VASH2: variants seen among roughly 807,000 people sequenced by gnomAD.
VASH2 encodes the protein tubulinyl-Tyr carboxypeptidase 2.
Under a neutral mutation model 37.2 loss-of-function variants are expected in VASH2, and 28 were observed. The observed-to-expected ratio is 0.75, with a 90% CI of 0.56 to 1.03. VASH2 has a LOEUF of 1.03. Among genes scored for constraint, VASH2 ranks in the 50% least tolerant of loss-of-function variants. The pLI, the probability that VASH2 is intolerant of heterozygous loss-of-function variation, is 0.00. For missense variants in VASH2, 419 were observed against 459.1 expected, an observed-to-expected ratio of 0.91 and a Z score of 0.80; for synonymous variants, 188 against 174.7, an observed-to-expected ratio of 1.08 and a Z score of -0.60.
intron 5 of VASH2, chr1:212,967,490 A>T (rs1666886785): frequency 8.8e-7 from 1 of 1,138,340 alleles, no homozygotes; most frequent in Non-Finnish European, 1.1e-6. Flanking sequence ...GTCCCAGGCA[A>T]GATCAGTTAG....
intron 7 of VASH2, among the ~76,000 whole-genome samples, chr1:212,981,049 G>A (rs1161736194): frequency 6.6e-6 from 1 of 152,208 alleles, no homozygotes; most frequent in Non-Finnish European, 1.5e-5. Flanking sequence ...GGGTCACATA[G>A]GGTCAGACAG....
chr1:212,977,342 T>A (rs1667208079), intron 7 of VASH2, among the ~76,000 whole-genome samples: 1 of 152,186 alleles, frequency 6.6e-6, no homozygotes, highest in Non-Finnish European at 1.5e-5. Context: ...TTATTCTAGG[T>A]AGTTTGTAAA....
intron 2 of VASH2, among the ~76,000 whole-genome samples, chr1:212,958,305 C>A (rs1486633626): frequency 6.6e-6 from 1 of 152,224 alleles, no homozygotes; most frequent in African/African-American, 2.4e-5. Flanking sequence ...CCCGCCACTG[C>A]CCTGCCCCCA....
intron 2 of VASH2, among the ~76,000 whole-genome samples, chr1:212,957,964 C>T (rs1286543076): frequency 6.6e-6 from 1 of 152,180 alleles, no homozygotes; most frequent in Non-Finnish European, 1.5e-5. Flanking sequence ...TGCATTAGGT[C>T]ATGTAATGCT....
chr1:212,986,369 A>G (rs1667478736), intron 7 of VASH2, among the ~76,000 whole-genome samples: 2 of 152,180 alleles, frequency 1.3e-5, no homozygotes, highest in African/African-American at 4.8e-5. Context: ...TCTACTTGAG[A>G]AAGTCTCAAA....
At chr1:212,981,827 C>T (rs924639554) in intron 7 of VASH2, among the ~76,000 whole-genome samples, 6 of 152,220 alleles carry the variant, frequency 3.9e-5, no homozygotes, top group African/African-American at 1.2e-4. Context: ...AACCTCATCT[C>T]TCCCAGATAC....
At position 212,972,840 on chromosome 1, in the gene VASH2, C is replaced by A; in HGVS notation, c.758C>A (p.Pro253His). ...VKKVKIGLYV[P>H]HEPHSFQPIE... ...AAGGTCAAGATTGGGCTGTACGTCC[C>A]CCATGAGCCTCATAGCTTCCAGCCC... The change falls in exon 6 of 8, where the codon CCC becomes CAC. Residue 253 changes from proline to histidine, a missense_variant. Transcript: ENST00000517399. The A allele has an allele frequency of 6.2e-7, 1 of 1,614,194 alleles. No individual in the cohort carries two copies. The highest frequency in any genetic ancestry group is 8.5e-7 in the Non-Finnish European group (1 of 1,180,044).
chr1:212,954,406 C>G (rs760700496), intron 2 of VASH2, among the ~76,000 whole-genome samples: 1 of 152,064 alleles, frequency 6.6e-6, no homozygotes, highest in Non-Finnish European at 1.5e-5. Context: ...TAGCTGAATG[C>G]TGTGTTCTTA....
chr1:212,977,608 T>G (rs1667217344), intron 7 of VASH2, among the ~76,000 whole-genome samples: 1 of 151,292 alleles, frequency 6.6e-6, no homozygotes, highest in African/African-American at 2.4e-5. Flanking sequence ...CATGAGGAGG[T>G]AGAAGTTGAA....
intron 3 of VASH2, among the ~76,000 whole-genome samples, chr1:212,963,964 T>G (rs1260923696): frequency 6.6e-6 from 1 of 152,214 alleles, no homozygotes; most frequent in Non-Finnish European, 1.5e-5. Context: ...TATTTAGCCC[T>G]TCATTTTCCT....
At chr1:212,960,158 A>G (rs1453905221) in intron 2 of VASH2, among the ~76,000 whole-genome samples, 1 of 152,238 alleles carries the variant, frequency 6.6e-6, no homozygotes, top group Non-Finnish European at 1.5e-5. Flanking sequence ...ACGGCTGCTC[A>G]GAGCCGAGTG....
intron 5 of VASH2, among the ~76,000 whole-genome samples, chr1:212,970,313 C>G (rs928858719): frequency 6.6e-6 from 1 of 152,152 alleles, no homozygotes; most frequent in African/African-American, 2.4e-5. Context: ...GGGAGAAATC[C>G]TCAAGATCAG....
At chr1:212,975,024 T>G (rs939725490) in intron 7 of VASH2, 1 of 152,254 alleles carries the variant, frequency 6.6e-6, no homozygotes, top group Non-Finnish European at 1.5e-5. Flanking sequence ...ACAAGCACAT[T>G]ATCGTCATTA....
At position 212,959,207 on chromosome 1, in the gene VASH2, A is replaced by T. The variant is rs192072981; in HGVS notation, c.277-1959A>T. On this transcript the variant is annotated intron_variant, in intron 2 of 7. Coordinates refer to ENST00000517399, the MANE Select transcript of VASH2 (RefSeq NM_001301056.2). The stretch of plus-strand genomic sequence containing the variant: ...ATCTCTGGCACATTTTTTACATAGA[A>T]CACTTTCTAGTGTATGCTAGGGCAG... Among the ~76,000 whole-genome samples, 3 of 152,334 alleles carry T rather than the reference A, an allele frequency of 2.0e-5. No homozygotes were observed. In the East Asian group the frequency reaches 5.8e-4, roughly 29 times the overall value.
At chr1:212,973,072 G>A in intron 6 of VASH2, 111 bp downstream of exon 6, 1 of 1,393,498 alleles carries the variant, frequency 7.2e-7, no homozygotes, top group Non-Finnish European at 9.6e-7. Flanking sequence ...AATTTCTTGA[G>A]GTTAAAGTCT....
At chr1:212,968,766 G>A in intron 5 of VASH2, 10 of 985,466 alleles carry the variant, frequency 1.0e-5, no homozygotes, top group Non-Finnish European at 1.2e-5. Flanking sequence ...AAGTTTAATG[G>A]GGGCAGATGA....
intron 3 of VASH2, chr1:212,961,484 T>G (rs1666675321): frequency 1.3e-6 from 1 of 751,294 alleles, no homozygotes; most frequent in African/African-American, 1.8e-5. Context: ...TGCTTCTCTT[T>G]CTCCCTCCTC....
At chr1:212,967,603 T>C (rs1422776326) in intron 5 of VASH2, 1 of 265,774 alleles carries the variant, frequency 3.8e-6, no homozygotes, top group Non-Finnish European at 6.4e-6. Flanking sequence ...GTATATGCTC[T>C]AGAGAGGTAG....
intron 5 of VASH2, among the ~76,000 whole-genome samples, chr1:212,966,580 G>C (rs1224526121): frequency 3.9e-5 from 6 of 152,202 alleles, no homozygotes; most frequent in African/African-American, 1.4e-4. Flanking sequence ...GCCTCCATCA[G>C]GTCCAGCTCT....
Sources: gnomAD v4.1 joint callset for allele counts (sites outside exome capture counted in the v4.1 genomes callset) on GRCh38, gnomAD v4.1.1 for gene constraint, MANE v1.5 for transcripts, NCBI Gene and HGNC (gene_info 2026-07-23, HGNC 2026-07-21) for gene names.